SERINC5: variants seen among roughly 807,000 people sequenced by gnomAD.
SERINC5 encodes serine incorporator 5, also known as chromosome 5 open reading frame 12.
A neutral mutation model predicts 63.1 loss-of-function variants in SERINC5; 41 were observed. That is an observed-to-expected ratio of 0.65 (90% CI 0.51 to 0.84). The LOEUF (loss-of-function observed/expected upper bound fraction) is 0.84. Ranked by LOEUF, SERINC5 falls within the 40% of genes least tolerant of loss-of-function variation. The pLI, the probability that SERINC5 is intolerant of heterozygous loss-of-function variation, is 0.00. For synonymous variants in SERINC5, 222 were observed against 215.2 expected (o/e 1.03, Z -0.28); for missense variants, 523 against 573.0 (o/e 0.91, Z 0.89).
chr5:80,186,827 T>C (rs893394300), intron 2 of SERINC5, among the ~76,000 whole-genome samples: 1 of 152,020 alleles, frequency 6.6e-6, no homozygotes, highest in Non-Finnish European at 1.5e-5. Flanking sequence ...TAGGTGAAAG[T>C]TGTAGTTGTG....
chr5:80,118,714 ATTTTT>A (rs34814066), intron 11 of SERINC5, among the ~76,000 whole-genome samples: 11 of 108,234 alleles, frequency 1.0e-4, no homozygotes, highest in East Asian at 2.4e-4. Flanking sequence ...TGTCCAGCTA[ATTTTT>A]TTTTTTTTTT....
rs144791970 is a variant in SERINC5 at position 80,127,379 on chromosome 5, A to G, written c.1239-13754T>C. Among the ~76,000 whole-genome samples the G allele has an allele frequency of 5.5e-3, 841 of 152,310 alleles. 7 individuals carry two copies. The highest frequency in any genetic ancestry group is 0.019 in the African/African-American group (786 of 41,568). Reference sequence around the variant, plus strand: ...CGTTCTCTCTTCCATGAAACCAGCAATATCCCAAATACAGACTGCTGGTCC... The same window carrying G: ...CGTTCTCTCTTCCATGAAACCAGCAGTATCCCAAATACAGACTGCTGGTCC... On this transcript the variant is annotated intron_variant, in intron 11 of 12. Coordinates refer to the SERINC5 transcript ENST00000509193.
intron 2 of SERINC5, among the ~76,000 whole-genome samples, chr5:80,179,881 C>T (rs1458144841): frequency 6.6e-6 from 1 of 152,202 alleles, no homozygotes; most frequent in Non-Finnish European, 1.5e-5. Flanking sequence ...TACCAATTTA[C>T]ATCCTACCAG....
chr5:80,227,258 A>C (rs1751209989), intron 1 of SERINC5, among the ~76,000 whole-genome samples: 1 of 152,212 alleles, frequency 6.6e-6, no homozygotes, highest in Non-Finnish European at 1.5e-5. Context: ...AATGAGGAAA[A>C]GACAAAATAA....
At chr5:80,241,027 T>G (rs1751916584) in intron 1 of SERINC5, among the ~76,000 whole-genome samples, 1 of 152,214 alleles carries the variant, frequency 6.6e-6, no homozygotes, top group Admixed American at 6.5e-5. Context: ...TCATATCATG[T>G]TACTTAATTC....
intron 1 of SERINC5, among the ~76,000 whole-genome samples, chr5:80,246,025 G>A (rs536083059): frequency 7.0e-6 from 1 of 143,770 alleles, no homozygotes; most frequent in South Asian, 2.2e-4. Context: ...CAAAGTCCTA[G>A]AGTCCTTAGG....
downstream of SERINC5, among the ~76,000 whole-genome samples, chr5:80,135,352 T>C (rs1745119726): frequency 6.6e-6 from 1 of 151,960 alleles, no homozygotes; most frequent in African/African-American, 2.4e-5. Context: ...CTTTTTCAAA[T>C]AGTAAAGGAA....
intron 1 of SERINC5, among the ~76,000 whole-genome samples, chr5:80,250,366 G>C (rs1752354740): frequency 6.6e-6 from 1 of 152,152 alleles, no homozygotes; most frequent in Non-Finnish European, 1.5e-5. Flanking sequence ...TTTTGAAACG[G>C]AGTCTCGCTG....
chr5:80,135,299 G>A (rs1331582061), downstream of SERINC5, among the ~76,000 whole-genome samples: 1 of 152,160 alleles, frequency 6.6e-6, no homozygotes, highest in Non-Finnish European at 1.5e-5. Context: ...CTCCCAAAAT[G>A]TTGGGATTAC....
chr5:80,188,276 C>CT (rs1273044078), intron 2 of SERINC5, among the ~76,000 whole-genome samples: 3 of 112,794 alleles, frequency 2.7e-5, no homozygotes, highest in Non-Finnish European at 5.2e-5. Context: ...GAGCAAGACT[C>CT]CGTCTCAAAA....
At chr5:80,237,537 G>C (rs944320907) in intron 1 of SERINC5, among the ~76,000 whole-genome samples, 1 of 151,318 alleles carries the variant, frequency 6.6e-6, no homozygotes, top group African/African-American at 2.4e-5. Context: ...GTTTCACTAT[G>C]TTGCCCAGGC....
At chr5:80,149,949 AACAG>A (rs1746061454) in intron 9 of SERINC5, among the ~76,000 whole-genome samples, 1 of 152,186 alleles carries the variant, frequency 6.6e-6, no homozygotes. Context: ...TTAAGAAAAT[AACAG>A]ACATTTTGTT....
chr5:80,140,326 AAAAAAAG>A lies in SERINC5; in HGVS notation c.*3330_*3336del. On this transcript the variant is annotated 3_prime_UTR_variant, in exon 12 of 12. Transcript: ENST00000507668. The stretch of plus-strand genomic sequence containing the variant: ...TCTCCAAAAAAAAAAAAAAAAAAAA[AAAAAAAG>A]GCTTAGGGTGACAATTTTGACATGG... 3.2e-6 allele frequency: 3 copies of A among 937,468 alleles called. No individual in the cohort carries two copies. The highest frequency in any genetic ancestry group is 5.0e-5 in the South Asian group (1 of 20,162). 58.1% of individuals were successfully genotyped at this position (937,468 alleles called of 1,614,324 possible).
intron 4 of SERINC5, among the ~76,000 whole-genome samples, chr5:80,176,951 T>C (rs1169803678): frequency 6.6e-6 from 1 of 152,208 alleles, no homozygotes; most frequent in Non-Finnish European, 1.5e-5. Context: ...GTAAGTTTAA[T>C]AACAGACTGA....
chr5:80,147,843 A>G (rs1008977780), intron 9 of SERINC5, among the ~76,000 whole-genome samples: 1 of 152,148 alleles, frequency 6.6e-6, no homozygotes, highest in Non-Finnish European at 1.5e-5. Flanking sequence ...ATGTTATTTC[A>G]TTAAACCCTC....
intron 2 of SERINC5, among the ~76,000 whole-genome samples, chr5:80,198,976 C>A (rs13359567): frequency 0.31 from 46,474 of 152,052 alleles, 7,382 homozygotes; most frequent in African/African-American, 0.33. Context: ...CTGTAAGTCA[C>A]CCTGTGCCCA....
chr5:80,231,513 T>G (rs571033605), intron 1 of SERINC5, among the ~76,000 whole-genome samples: 1 of 151,958 alleles, frequency 6.6e-6, no homozygotes, highest in Non-Finnish European at 1.5e-5. Flanking sequence ...GAGTCAGCCA[T>G]CTAAGAATGA....
At chr5:80,186,014 C>T (rs770344219) in intron 2 of SERINC5, among the ~76,000 whole-genome samples, 2 of 149,344 alleles carry the variant, frequency 1.3e-5, no homozygotes, top group Non-Finnish European at 3.0e-5. Context: ...CAAACTAATG[C>T]ATTCCGATTT....
intron 11 of SERINC5, among the ~76,000 whole-genome samples, chr5:80,121,195 AGTTT>A (rs1355216823): frequency 5.9e-5 from 9 of 152,016 alleles, no homozygotes; most frequent in Admixed American, 3.3e-4. Context: ...CCAAGAAAGG[AGTTT>A]GTTTGTTTGT....
Sources: allele counts gnomAD v4.1 joint callset (sites outside exome capture counted in the v4.1 genomes callset), GRCh38; gene constraint gnomAD v4.1.1; transcripts MANE v1.5; gene names NCBI Gene and HGNC (gene_info 2026-07-23, HGNC 2026-07-21).